The following NRXN3 variants were observed in gnomAD, a reference collection of about 807,000 sequenced individuals.
The protein encoded by NRXN3 is neurexin III.
NRXN3 carries 32 observed loss-of-function variants against 137.6 expected under a neutral mutation model. That is an observed-to-expected ratio of 0.23 (90% CI 0.18 to 0.31). NRXN3 has a LOEUF of 0.31. NRXN3 is among the 10% of genes least tolerant of loss of function. The probability of loss-of-function intolerance (pLI) is 1.00; values close to 1 mark genes in which losing one functional copy is unlikely to be tolerated. For synonymous variants in NRXN3, 798 were observed against 784.5 expected (o/e 1.02, Z -0.29); for missense variants, 1,574 against 2,062.5 (o/e 0.76, Z 4.59).
intron 15 of NRXN3, among the ~76,000 whole-genome samples, chr14:79,268,615 T>G (rs2078811646): frequency 6.6e-6 from 1 of 152,182 alleles, no homozygotes. Context: ...AACGTCAGCC[T>G]CTTAAGGTAT....
intron 20 of NRXN3, among the ~76,000 whole-genome samples, chr14:79,807,867 G>C (rs2099214604): frequency 6.6e-6 from 1 of 152,000 alleles, no homozygotes; most frequent in Non-Finnish European, 1.5e-5. Context: ...GGATATACAG[G>C]GAAATACGTC....
intron 6 of NRXN3, among the ~76,000 whole-genome samples, chr14:78,681,674 C>T (rs149707677): frequency 2.6e-5 from 4 of 152,224 alleles, no homozygotes; most frequent in Admixed American, 6.5e-5. Context: ...ATGACTACAC[C>T]TCCCAAAGCA....
At chr14:78,666,930 A>G (rs2097891880) in intron 6 of NRXN3, among the ~76,000 whole-genome samples, 1 of 152,100 alleles carries the variant, frequency 6.6e-6, no homozygotes, top group East Asian at 1.9e-4. Flanking sequence ...GTTCCTCCCT[A>G]AATTTAACCA....
intron 15 of NRXN3, among the ~76,000 whole-genome samples, chr14:79,292,553 T>C (rs528775029): frequency 1.3e-5 from 2 of 152,362 alleles, no homozygotes; most frequent in South Asian, 2.1e-4. Context: ...CTTTCATTAA[T>C]GCCAAAAGGC....
At chr14:78,791,357 A>G (rs879344003) in intron 8 of NRXN3, among the ~76,000 whole-genome samples, 5 of 152,154 alleles carry the variant, frequency 3.3e-5, no homozygotes, top group Admixed American at 2.6e-4. Context: ...CATTATCCCA[A>G]AGTAAGAAAA....
intron 4 of NRXN3, among the ~76,000 whole-genome samples, chr14:78,611,452 C>A (rs1376469406): frequency 6.7e-6 from 1 of 150,126 alleles, no homozygotes. Context: ...CTCTCTGAAT[C>A]ACTTATGGAT....
chr14:79,658,638 T>C (rs1191704589), intron 16 of NRXN3, among the ~76,000 whole-genome samples: 2 of 152,136 alleles, frequency 1.3e-5, no homozygotes, highest in African/African-American at 2.4e-5. Context: ...ACTAGGAAAG[T>C]GTGGTAAACA....
chr14:79,146,595 C>A (rs187210790), intron 15 of NRXN3, among the ~76,000 whole-genome samples: 1 of 152,082 alleles, frequency 6.6e-6, no homozygotes, highest in East Asian at 1.9e-4. Flanking sequence ...GGCTTTAGAA[C>A]GCAGGTCTTA....
At chr14:79,121,062 T>C (rs2152922382) in intron 15 of NRXN3, among the ~76,000 whole-genome samples, 1 of 152,292 alleles carries the variant, frequency 6.6e-6, no homozygotes, top group Middle Eastern at 3.4e-3. Context: ...AAAGAGGAGA[T>C]ACAATTCTAG....
rs764785209 is a variant in NRXN3 at position 79,862,014 on chromosome 14, G to A, written c.*50G>A. On this transcript the variant is annotated 3_prime_UTR_variant, in exon 21 of 21. Transcript: ENST00000335750. ...AGTTTTCACAGTTATTTCTATCCAC[G>A]CCTATGAATCTTTGGACGGTGAGAT... 64 of 1,421,972 alleles carry A rather than the reference G, an allele frequency of 4.5e-5. No individual in the cohort carries two copies. Among genetic ancestry groups the A allele is most frequent in the East Asian group, 4.1e-4 (17 of 41,810 alleles). The allele number at this position is 1,421,972 out of a possible 1,614,324, so 88.1% of individuals were successfully genotyped here.
chr14:78,724,611 A>G (rs923244211), intron 8 of NRXN3, among the ~76,000 whole-genome samples: 10 of 152,306 alleles, frequency 6.6e-5, no homozygotes, highest in African/African-American at 2.4e-4. Flanking sequence ...AGAAATATAC[A>G]TGCATCTGTG....
intron 15 of NRXN3, among the ~76,000 whole-genome samples, chr14:79,352,569 T>G (rs2153394765): frequency 6.6e-6 from 1 of 152,120 alleles, no homozygotes; most frequent in East Asian, 1.9e-4. Flanking sequence ...TTCTACTCCC[T>G]TTACTTGGTT....
chr14:78,926,224 C>G (rs1260469512), intron 10 of NRXN3, among the ~76,000 whole-genome samples: 1 of 151,870 alleles, frequency 6.6e-6, no homozygotes, highest in Non-Finnish European at 1.5e-5. Context: ...TGTGTTTTTC[C>G]TACATATACC....
At chr14:78,579,785 G>T (rs2096974584) in intron 4 of NRXN3, among the ~76,000 whole-genome samples, 1 of 152,146 alleles carries the variant, frequency 6.6e-6, no homozygotes, top group African/African-American at 2.4e-5. Flanking sequence ...GCCACAGTCT[G>T]CACCTTATCC....
chr14:78,841,105 A>G (rs1272691292), intron 10 of NRXN3, among the ~76,000 whole-genome samples: 1 of 152,098 alleles, frequency 6.6e-6, no homozygotes, highest in Non-Finnish European at 1.5e-5. Flanking sequence ...CTAATTTAAG[A>G]GTCTGAGTGT....
At chr14:79,336,140 A>C (rs184389216) in intron 15 of NRXN3, among the ~76,000 whole-genome samples, 18 of 152,316 alleles carry the variant, frequency 1.2e-4, no homozygotes, top group African/African-American at 4.1e-4. Context: ...TTCCAAAAAC[A>C]ATCAGAGAAT....
At position 78,819,063 on chromosome 14, in the gene NRXN3, T is replaced by C. The variant is rs75517623; in HGVS notation, c.2275+8719T>C. Among the ~76,000 whole-genome samples, 1,299 of 152,284 alleles carry C rather than the reference T, an allele frequency of 8.5e-3. 19 individuals are homozygous for C. The highest frequency in any genetic ancestry group is 0.03 in the African/African-American group (1,243 of 41,564). ...TCCTGATTTCCTTTTTTGTTTTGATTTGCCCTCCTTCATCTGACCACTTGC... is the reference window on the plus strand; with the variant it reads ...TCCTGATTTCCTTTTTTGTTTTGATCTGCCCTCCTTCATCTGACCACTTGC... On this transcript the variant is annotated intron_variant, in intron 10 of 20. Coordinates refer to ENST00000335750, the MANE Select transcript of NRXN3 (RefSeq NM_001330195.2).
At chr14:79,057,920 A>G (rs575543916) in intron 15 of NRXN3, among the ~76,000 whole-genome samples, 36 of 152,212 alleles carry the variant, frequency 2.4e-4, no homozygotes, top group Non-Finnish European at 4.6e-4. Flanking sequence ...AATTTATAAT[A>G]TATTAAGACT....
intron 2 of NRXN3, among the ~76,000 whole-genome samples, chr14:78,247,635 T>C (rs1268244366): frequency 6.6e-6 from 1 of 152,176 alleles, no homozygotes; most frequent in Non-Finnish European, 1.5e-5. Flanking sequence ...ATAGTGGAGC[T>C]ATGGTGTGGC....
Sources: allele counts gnomAD v4.1 joint callset (sites outside exome capture counted in the v4.1 genomes callset), GRCh38; gene constraint gnomAD v4.1.1; transcripts MANE v1.5; gene names NCBI Gene and HGNC (gene_info 2026-07-23, HGNC 2026-07-21).